URB1: variants seen among roughly 807,000 people sequenced by gnomAD.
URB1 encodes nucleolar pre-ribosomal-associated protein 1.
A neutral mutation model predicts 242.3 loss-of-function variants in URB1; 197 were observed. The observed-to-expected ratio is 0.81, with a 90% confidence interval of 0.72 to 0.91. The LOEUF (loss-of-function observed/expected upper bound fraction) is 0.91, where lower values mean the gene tolerates loss of function less well. Among genes scored for constraint, URB1 ranks in the 40% least tolerant of loss-of-function variants. The pLI is 0.00. For missense variants in URB1, 2,721 were observed against 2,860.5 expected, an observed-to-expected ratio of 0.95 and a Z score of 1.11; for synonymous variants, 1,153 against 1,201.8, an observed-to-expected ratio of 0.96 and a Z score of 0.84.
chr21:32,333,887 G>A (rs1568813249), intron 29 of URB1, among the ~76,000 whole-genome samples: 1 of 152,210 alleles, frequency 6.6e-6, no homozygotes, highest in Non-Finnish European at 1.5e-5. Flanking sequence ...AGCAGTGCTT[G>A]TACATGAAAT....
At chr21:32,384,227 G>A in intron 3 of URB1, 86 bp downstream of exon 3, 2 of 1,451,648 alleles carry the variant, frequency 1.4e-6, no homozygotes. Flanking sequence ...TAGCCATAAA[G>A]GTACTGACCA....
At position 32,311,633 on chromosome 21, in the gene URB1, A is replaced by G; in HGVS notation, c.*3285T>C. The G allele has an allele frequency of 6.3e-7, 1 of 1,599,282 alleles. No individual in the cohort carries two copies. Among genetic ancestry groups the G allele is most frequent in the Non-Finnish European group, 8.5e-7 (1 of 1,173,064 alleles). On this transcript the variant is annotated 3_prime_UTR_variant, in exon 39 of 39. Transcript: ENST00000382751. ...GAAACCCCCCAGCCCCACAGTATGG[A>G]CTGTTCTGCAGCAACTATGATGCCT... is the stretch of plus-strand genomic sequence containing the variant.
intron 15 of URB1, among the ~76,000 whole-genome samples, 151 bp from the exon 16 acceptor site, chr21:32,355,716 T>C (rs1462262046): frequency 2.0e-5 from 3 of 152,212 alleles, no homozygotes; most frequent in Non-Finnish European, 2.9e-5. Flanking sequence ...TCAAGCAATT[T>C]TTCTGCCTTG....
chr21:32,373,523 G>T, intron 7 of URB1, 124 bp downstream of exon 7: 1 of 1,147,334 alleles, frequency 8.7e-7, no homozygotes, highest in Non-Finnish European at 1.2e-6. Flanking sequence ...TATAACCACA[G>T]TCAAAAGAAA....
In URB1 at chr21:32,354,077, C is replaced by G; in HGVS notation, c.2272G>C (p.Val758Leu). Residue 758 changes from valine (V) to leucine (L), a missense_variant, in exon 18 of 39, where the codon GTG becomes CTG. By Grantham distance (32) the Val-to-Leu change is conservative (BLOSUM62 1). Transcript: ENST00000382751. Reference sequence around the variant, plus strand: ...TCATCCAAGCCTTCACTGCCCTCCACCAGGACATCCACCATGTCGAGAACA... The same window carrying G: ...TCATCCAAGCCTTCACTGCCCTCCAGCAGGACATCCACCATGTCGAGAACA... ...DDVLDMVDVL[V>L]EGSEGLDEEI... is the part of the protein sequence containing the mutation. 6.4e-7 allele frequency: 1 copy of G among 1,551,720 alleles called. No individual in the cohort carries two copies. Among genetic ancestry groups the G allele is most frequent in the Non-Finnish European group, 8.7e-7 (1 of 1,146,998 alleles).
chr21:32,369,470 T>C (rs2123608212), intron 8 of URB1, among the ~76,000 whole-genome samples: 1 of 152,250 alleles, frequency 6.6e-6, no homozygotes, highest in African/African-American at 2.4e-5. Flanking sequence ...TAAAATTTTT[T>C]ATTATTTCTT....
In URB1 at chr21:32,312,284, A is replaced by G; in HGVS notation, c.*2634T>C. On this transcript the variant is annotated 3_prime_UTR_variant, in exon 39 of 39. Coordinates refer to ENST00000382751, the MANE Select transcript of URB1 (RefSeq NM_014825.3). ...GAAAATAAAATATATGCAAATCAAGAGGAAAAGCTGTTTGCTTACTAATCT... is the reference window on the plus strand; with the variant it reads ...GAAAATAAAATATATGCAAATCAAGGGGAAAAGCTGTTTGCTTACTAATCT... 5 of 1,362,742 alleles carry G rather than the reference A, an allele frequency of 3.7e-6. No individual in the cohort carries two copies. The highest frequency in any genetic ancestry group is 4.7e-6 in the Non-Finnish European group (5 of 1,054,216). 84.4% of individuals were successfully genotyped at this position (1,362,742 alleles called of 1,614,324 possible). A position where few individuals can be genotyped will look rare whatever the true frequency, so the allele number is the denominator to read the frequency against.
intron 14 of URB1, among the ~76,000 whole-genome samples, chr21:32,358,430 T>C (rs185354045): frequency 6.6e-6 from 1 of 152,300 alleles, no homozygotes; most frequent in African/African-American, 2.4e-5. Context: ...ATAGAACGGA[T>C]TGCTTATGCA....
intron 36 of URB1, 27 bp downstream of exon 36, chr21:32,319,190 G>A (rs2032730997): frequency 7.2e-6 from 11 of 1,531,002 alleles, no homozygotes; most frequent in Non-Finnish European, 7.9e-6. Flanking sequence ...AGGCCAGAAG[G>A]GCCCCCCTGG....
chr21:32,354,574 C>T (rs143184446), intron 17 of URB1, among the ~76,000 whole-genome samples: 9 of 152,176 alleles, frequency 5.9e-5, no homozygotes, highest in Non-Finnish European at 1.2e-4. Context: ...AATAATAATA[C>T]TCTTTTCTCT....
At chr21:32,338,079 T>C (rs1035220952) in intron 26 of URB1, among the ~76,000 whole-genome samples, 4 of 152,242 alleles carry the variant, frequency 2.6e-5, no homozygotes, top group African/African-American at 9.6e-5. Context: ...CTTCGACTTA[T>C]TAATAGCAGT....
At chr21:32,334,063 T>C (rs1040897082) in intron 29 of URB1, 100 bp downstream of exon 29, 26 of 1,360,196 alleles carry the variant, frequency 1.9e-5, no homozygotes, top group Non-Finnish European at 2.5e-5. Context: ...TCTTACTTAA[T>C]AAAAAGGTAA....
At chr21:32,367,779 G>C (rs936169753) in intron 9 of URB1, among the ~76,000 whole-genome samples, 2 of 152,180 alleles carry the variant, frequency 1.3e-5, no homozygotes, top group Non-Finnish European at 2.9e-5. Context: ...TATGAGCCCA[G>C]ATGGAGAAGA....
chr21:32,383,673 A>G (rs554547200), intron 3 of URB1, 119 bp from the exon 4 acceptor site: 2 of 1,156,710 alleles, frequency 1.7e-6, no homozygotes, highest in South Asian at 2.3e-5. Flanking sequence ...CCAGAAAAAA[A>G]GAAGGAAAAA....
At position 32,347,049 on chromosome 21, in the gene URB1, GC is replaced by G; in HGVS notation, c.3774del (p.Leu1259SerfsTer40). ...TCGTCCAGGTCCCCCTGGAGGCCGA[GC>G]CCTGGGCCAGCCTGCAGGCACCACT... ...FEQWCLQAGP[G>X]LGLQGDLDDF... On this transcript the variant is annotated frameshift_variant, in exon 22 of 39. Coordinates refer to ENST00000382751, the MANE Select transcript of URB1 (RefSeq NM_014825.3). LOFTEE classifies it high-confidence loss of function. 6.5e-7 allele frequency: 1 copy of G among 1,550,176 alleles called. No homozygotes were observed. The highest frequency in any genetic ancestry group is 8.7e-7 in the Non-Finnish European group (1 of 1,146,214).
At position 32,312,348 on chromosome 21, in the gene URB1, C is replaced by T; in HGVS notation, c.*2570G>A. The T allele has an allele frequency of 8.3e-7, 1 of 1,206,738 alleles. No homozygotes were observed. The highest frequency in any genetic ancestry group is 1.0e-6 in the Non-Finnish European group (1 of 954,666). The allele number at this position is 1,206,738 out of a possible 1,614,324, so 74.8% of individuals were successfully genotyped here. ...TTACCATTACTGTGTAATGCGTTAT[C>T]AGCCCTGAGTTCACCTGGTCCTTCT... On this transcript the variant is annotated 3_prime_UTR_variant, in exon 39 of 39. Coordinates refer to ENST00000382751, the MANE Select transcript of URB1 (RefSeq NM_014825.3).
At chr21:32,343,524 G>A (rs1017828780) in intron 24 of URB1, among the ~76,000 whole-genome samples, 14 of 152,194 alleles carry the variant, frequency 9.2e-5, no homozygotes, top group Non-Finnish European at 1.6e-4. Flanking sequence ...GCTTTGGAGG[G>A]AAGGGGATTT....
intron 35 of URB1, among the ~76,000 whole-genome samples, chr21:32,319,830 C>G (rs773171313): frequency 1.6e-4 from 25 of 152,202 alleles, no homozygotes; most frequent in Non-Finnish European, 3.4e-4. Flanking sequence ...TGCAGATGTA[C>G]TTGGATATAT....
intron 9 of URB1, among the ~76,000 whole-genome samples, chr21:32,367,708 T>C (rs917558067): frequency 1.3e-5 from 2 of 152,248 alleles, no homozygotes; most frequent in Non-Finnish European, 2.9e-5. Context: ...GTTGTTCTAA[T>C]TGAAGCAGCA....
Sources: gnomAD v4.1 joint callset for allele counts (sites outside exome capture counted in the v4.1 genomes callset) on GRCh38, gnomAD v4.1.1 for gene constraint, MANE v1.5 for transcripts, NCBI Gene and HGNC (gene_info 2026-07-23, HGNC 2026-07-21) for gene names.